PLXNA4: variants seen among roughly 807,000 people sequenced by gnomAD.
PLXNA4 encodes plexin-A4.
In PLXNA4, 44 loss-of-function variants were observed where a neutral mutation model predicts 191.8. The ratio of observed to expected loss-of-function variants is 0.23; its 90% CI spans 0.18 to 0.29. The LOEUF is 0.29. Ranked by LOEUF, PLXNA4 falls within the 10% of genes least tolerant of loss-of-function variation. The pLI, the probability that PLXNA4 is intolerant of heterozygous loss-of-function variation, is 1.00. For synonymous variants in PLXNA4, 1,082 were observed against 1,009.5 expected (o/e 1.07, Z -1.36); for missense variants, 1,800 against 2,488.8 (o/e 0.72, Z 5.89).
intron 3 of PLXNA4, among the ~76,000 whole-genome samples, chr7:132,453,830 G>T (rs1318333362): frequency 6.6e-6 from 1 of 152,128 alleles, no homozygotes; most frequent in South Asian, 2.1e-4. Context: ...GTGAGCCACC[G>T]CGCCCAGCCA....
intron 21 of PLXNA4, among the ~76,000 whole-genome samples, chr7:132,172,953 G>A (rs539982064): frequency 2.1e-4 from 32 of 152,156 alleles, no homozygotes; most frequent in Admixed American, 4.6e-4. Context: ...TACAACCCCC[G>A]TTTCCACCTT....
At chr7:132,625,805 T>C (rs1380188996) in intron 2 of PLXNA4, among the ~76,000 whole-genome samples, 1 of 152,232 alleles carries the variant, frequency 6.6e-6, no homozygotes. Context: ...TATTGCTGCA[T>C]ACTTCATACC....
intron 25 of PLXNA4, among the ~76,000 whole-genome samples, chr7:132,151,508 GGA>G: frequency 3.5e-5 from 3 of 86,216 alleles, no homozygotes; most frequent in Non-Finnish European, 6.5e-5. Flanking sequence ...AGGAGGAGGA[GGA>G]GAAAGGAGGA....
At chr7:132,588,396 C>T (rs1484487630) in intron 2 of PLXNA4, among the ~76,000 whole-genome samples, 2 of 152,014 alleles carry the variant, frequency 1.3e-5, no homozygotes, top group Non-Finnish European at 2.9e-5. Flanking sequence ...GCAGGAGTTC[C>T]AAATTTTGTC....
upstream of PLXNA4, among the ~76,000 whole-genome samples, chr7:132,580,428 G>A (rs1002387061): frequency 6.6e-6 from 1 of 152,116 alleles, no homozygotes; most frequent in African/African-American, 2.4e-5. Flanking sequence ...CAATGGCTCT[G>A]TGAGTCACTC....
intron 7 of PLXNA4, 148 bp from the exon 8 acceptor site, chr7:132,226,408 G>A: frequency 3.2e-6 from 2 of 626,860 alleles, no homozygotes; most frequent in East Asian, 5.6e-5. Flanking sequence ...CCAGTCCCAG[G>A]ACAACCCTGA....
At chr7:132,489,200 G>A (rs879142690) in intron 3 of PLXNA4, 92 bp downstream of exon 3, 18 of 1,359,062 alleles carry the variant, frequency 1.3e-5, no homozygotes, top group Non-Finnish European at 1.7e-5. Flanking sequence ...CTGCCCACAC[G>A]CCCAAGTTAG....
Position 132,402,550 on chromosome 7 carries a change from G to A in PLXNA4, c.1371+86742C>T, listed in dbSNP as rs536657106. Among the ~76,000 whole-genome samples the A allele has an allele frequency of 2.3e-3, 354 of 152,248 alleles. 1 individual carries two copies. Among genetic ancestry groups the A allele is most frequent in the African/African-American group, 8.1e-3 (338 of 41,556 alleles). On this transcript the variant is annotated intron_variant, in intron 3 of 31. Coordinates refer to ENST00000321063, the MANE Select transcript of PLXNA4 (RefSeq NM_020911.2). ...GTGTGCTGCTGCAGGCTGCCACTAT[G>A]GGAGGGGCAGCTGGCTAATCATCTT...
At position 132,365,364 on chromosome 7, in the gene PLXNA4, T is replaced by TGCGCGCGCGTGCGTGCGCGC. The variant is rs10690790; in HGVS notation, c.1372-67143_1372-67142insGCGCGCACGCACGCGCGCGC. Among the ~76,000 whole-genome samples the TGCGCGCGCGTGCGTGCGCGC allele has an allele frequency of 2.4e-3, 351 of 147,320 alleles. 4 individuals are homozygous for TGCGCGCGCGTGCGTGCGCGC. Among genetic ancestry groups the TGCGCGCGCGTGCGTGCGCGC allele is most frequent in the African/African-American group, 8.2e-3 (325 of 39,448 alleles). On this transcript the variant is annotated intron_variant, in intron 3 of 31. Transcript: ENST00000321063. ...GTGTGTGTGTGTGTGTGTGTGTGCG[T>TGCGCGCGCGTGCGTGCGCGC]GCGCGCGCATGCATGGGGCAAGAGT...
At chr7:132,645,017 CT>C (rs1210135351) in intron 2 of PLXNA4, among the ~76,000 whole-genome samples, 1 of 152,186 alleles carries the variant, frequency 6.6e-6, no homozygotes, top group Non-Finnish European at 1.5e-5. Context: ...CCCAGTGGCT[CT>C]GGGTCAGGAA....
chr7:132,346,092 T>C (rs1369304836), intron 3 of PLXNA4, among the ~76,000 whole-genome samples: 1 of 152,206 alleles, frequency 6.6e-6, no homozygotes, highest in Non-Finnish European at 1.5e-5. Flanking sequence ...CTTAACCTTG[T>C]TCCCGCAGAC....
intron 9 of PLXNA4, among the ~76,000 whole-genome samples, chr7:132,219,535 A>T (rs1798075316): frequency 6.6e-6 from 1 of 152,244 alleles, no homozygotes; most frequent in African/African-American, 2.4e-5. Context: ...GGTAATGAAG[A>T]ATGAAGAGTT....
chr7:132,136,983 G>C (rs2116523685), intron 30 of PLXNA4, among the ~76,000 whole-genome samples: 1 of 152,252 alleles, frequency 6.6e-6, no homozygotes, highest in East Asian at 1.9e-4. Context: ...CTGAGCATCT[G>C]TGTGGCCTCC....
chr7:132,285,813 T>C (rs17166307), intron 4 of PLXNA4, among the ~76,000 whole-genome samples: 45,570 of 152,068 alleles, frequency 0.3, 7,006 homozygotes, highest in Admixed American at 0.42. Context: ...GGAATTTAAC[T>C]ATTTCCATTA....
chr7:132,320,085 C>T (rs1802103600), intron 3 of PLXNA4, among the ~76,000 whole-genome samples: 1 of 152,236 alleles, frequency 6.6e-6, no homozygotes, highest in African/African-American at 2.4e-5. Context: ...AAGACCTACC[C>T]ACAGTGGTCA....
intron 9 of PLXNA4, among the ~76,000 whole-genome samples, chr7:132,216,586 A>G (rs1426291357): frequency 1.3e-5 from 2 of 152,194 alleles, no homozygotes; most frequent in Non-Finnish European, 2.9e-5. Flanking sequence ...TTAACTTGGT[A>G]CAAGCATTCA....
At chr7:132,314,062 CT>C (rs766775166) in intron 3 of PLXNA4, among the ~76,000 whole-genome samples, 1 of 152,168 alleles carries the variant, frequency 6.6e-6, no homozygotes, top group Non-Finnish European at 1.5e-5. Flanking sequence ...CCAACATAAA[CT>C]TGCAAATGAA....
intron 9 of PLXNA4, among the ~76,000 whole-genome samples, chr7:132,221,690 T>C (rs752861666): frequency 6.6e-6 from 1 of 152,188 alleles, no homozygotes; most frequent in African/African-American, 2.4e-5. Context: ...TTCACACTCT[T>C]ACATAAAATC....
At chr7:132,287,513 T>TG (rs1378743292) in intron 4 of PLXNA4, among the ~76,000 whole-genome samples, 3 of 152,142 alleles carry the variant, frequency 2.0e-5, no homozygotes, top group African/African-American at 4.8e-5. Flanking sequence ...GTGGCACAGC[T>TG]GGTGAGTACT....
Sources: allele counts gnomAD v4.1 joint callset (sites outside exome capture counted in the v4.1 genomes callset), GRCh38; gene constraint gnomAD v4.1.1; transcripts MANE v1.5; gene names NCBI Gene and HGNC (gene_info 2026-07-23, HGNC 2026-07-21).